Variants in LRRK1 observed in about 807,000 individuals in gnomAD.
The protein encoded by LRRK1 is leucine rich repeat kinase 1, also known as leucine-rich repeat serine/threonine-protein kinase 1.
A neutral mutation model predicts 209.1 loss-of-function variants in LRRK1; 113 were observed. That is an observed-to-expected ratio of 0.54 (90% CI 0.46 to 0.63). LRRK1 has a LOEUF of 0.63. Ranked by LOEUF, LRRK1 falls within the 30% of genes least tolerant of loss-of-function variation. The pLI is 0.00. For synonymous variants in LRRK1, 1,144 were observed against 1,099.7 expected (o/e 1.04, Z -0.80); for missense variants, 2,284 against 2,632.2 (o/e 0.87, Z 2.89).
chr15:101,005,910 A>T (rs1340262425), intron 6 of LRRK1, among the ~76,000 whole-genome samples: 1 of 152,250 alleles, frequency 6.6e-6, no homozygotes, highest in Non-Finnish European at 1.5e-5. Context: ...AAAGAAAGGT[A>T]GCTTTAGCAA....
chr15:101,022,325 C>A lies in LRRK1; in HGVS notation c.1853-58C>A. 5 of 1,513,950 alleles carry A rather than the reference C, an allele frequency of 3.3e-6. No individual in the cohort carries two copies. The highest frequency in any genetic ancestry group is 4.6e-6 in the Non-Finnish European group (5 of 1,091,974). 93.8% of individuals were successfully genotyped at this position (1,513,950 alleles called of 1,614,324 possible). A position where few individuals can be genotyped will look rare whatever the true frequency, so the allele number is the denominator to read the frequency against. On this transcript the variant is annotated intron_variant, in intron 14 of 33. Transcript: ENST00000388948. The surrounding 1 kb of genome is among the most constrained non-coding windows in gnomAD (Gnocchi z 4.0). The stretch of plus-strand genomic sequence containing the variant: ...TTCCTTCACAACAGGATTTTGTGTC[C>A]TAAGAGATGTGAGCATGTGCCCACG...
At chr15:100,990,292 C>G (rs7162483) in intron 6 of LRRK1, among the ~76,000 whole-genome samples, 8,073 of 152,168 alleles carry the variant, frequency 0.053, 506 homozygotes, top group African/African-American at 0.15. Context: ...GCCAGTGTCA[C>G]TTAGTTGACA....
Position 101,016,984 on chromosome 15 carries a change from T to G in LRRK1, c.1609+1582T>G, listed in dbSNP as rs1265312870. ...AACAAGCTCTTTTTGTTCCATTATC[T>G]TCTGTGAGACACAGGGGAAGGTATG... On this transcript the variant is annotated intron_variant, in intron 12 of 33. Transcript: ENST00000388948. Among the ~76,000 whole-genome samples the G allele has an allele frequency of 2.0e-5, 3 of 152,216 alleles. No individual in the cohort carries two copies. In the East Asian group the frequency reaches 5.8e-4, roughly 29 times the overall value.
intron 20 of LRRK1, among the ~76,000 whole-genome samples, chr15:101,045,483 T>C (rs1039727029): frequency 6.6e-6 from 1 of 152,250 alleles, no homozygotes; most frequent in Admixed American, 6.5e-5. Context: ...ATTCTAACTT[T>C]TAAGGCAATC....
At position 101,057,924 on chromosome 15, in the gene LRRK1, G is replaced by A. The variant is rs569099384; in HGVS notation, c.4528-66G>A. 1.5e-4 allele frequency: 233 copies of A among 1,560,874 alleles called. 2 individuals carry two copies. The African/African-American group carries it at 2.5e-3, about 17-fold the overall frequency. Reference sequence around the variant, plus strand: ...CCTGGTTGGGGCTGGCTGATCTCATGGGCAGAACGGGCACCAATCCGGTTG... The same window carrying A: ...CCTGGTTGGGGCTGGCTGATCTCATAGGCAGAACGGGCACCAATCCGGTTG... On this transcript the variant is annotated intron_variant, in intron 28 of 33. Coordinates refer to ENST00000388948, the MANE Select transcript of LRRK1 (RefSeq NM_024652.6).
intron 6 of LRRK1, 68 bp from the exon 7 acceptor site, chr15:101,008,769 T>C: frequency 8.1e-7 from 1 of 1,239,358 alleles, no homozygotes; most frequent in Non-Finnish European, 1.2e-6. Flanking sequence ...AACCCTTGCT[T>C]TATTCCAAGC....
At chr15:100,924,367 C>G (rs1378360826) in intron 1 of LRRK1, 144 bp from the exon 2 acceptor site, 9 of 461,138 alleles carry the variant, frequency 2.0e-5, no homozygotes, top group Non-Finnish European at 3.6e-5. Flanking sequence ...TTCCCACTGA[C>G]CACACCTGAT....
At chr15:101,063,985 C>A (rs770002033) in intron 31 of LRRK1, among the ~76,000 whole-genome samples, 22 of 152,244 alleles carry the variant, frequency 1.4e-4, no homozygotes, top group Non-Finnish European at 2.4e-4. Flanking sequence ...ACCTCCTGCA[C>A]GACCAGAGGG....
At chr15:100,977,387 G>A (rs1036637395) in intron 3 of LRRK1, among the ~76,000 whole-genome samples, 2 of 152,104 alleles carry the variant, frequency 1.3e-5, no homozygotes, top group African/African-American at 4.8e-5. Flanking sequence ...TTGCCAGGCT[G>A]TAACAGGCAC....
intron 3 of LRRK1, among the ~76,000 whole-genome samples, chr15:100,977,629 G>A (rs1202069822): frequency 6.6e-6 from 1 of 152,194 alleles, no homozygotes; most frequent in Non-Finnish European, 1.5e-5. Flanking sequence ...CCCAGCAATA[G>A]CAAGGAGCCC....
chr15:100,989,043 G>T (rs2032022574), intron 5 of LRRK1, among the ~76,000 whole-genome samples: 1 of 152,204 alleles, frequency 6.6e-6, no homozygotes, highest in South Asian at 2.1e-4. Context: ...GTGGCTAATG[G>T]GACTGTTGTA....
intron 31 of LRRK1, 98 bp from the exon 32 acceptor site, chr15:101,065,254 G>A (rs1373905624): frequency 4.2e-5 from 60 of 1,445,008 alleles, no homozygotes; most frequent in Middle Eastern, 1.9e-4. Flanking sequence ...GTGACTGCCC[G>A]CCTGGTGTGG....
intron 1 of LRRK1, among the ~76,000 whole-genome samples, chr15:100,923,653 TG>T (rs2042058299): frequency 6.6e-6 from 1 of 152,152 alleles, no homozygotes; most frequent in African/African-American, 2.4e-5. Flanking sequence ...CTAAGCTCAG[TG>T]GGGGCCCAGC....
rs760461091 is a variant in LRRK1, at chr15:101,066,114, C to T, written c.5677C>T (p.His1893Tyr). 1.2e-6 allele frequency: 2 copies of T among 1,614,124 alleles called. No individual in the cohort carries two copies. The highest frequency in any genetic ancestry group is 1.7e-5 in the Admixed American group (1 of 60,032). The part of the protein sequence containing the change: ...TPGAASDRSE[H>Y]DLTPMDGETF... ...CGGTGCTGCCTCCGACAGGTCTGAG[C>T]ATGACCTGACCCCCATGGACGGGGA... The change falls in exon 32 of 34, where the codon CAT becomes TAT. Residue 1893 changes from histidine to tyrosine, a missense_variant. By Grantham distance (83) the His-to-Tyr change is moderately conservative (BLOSUM62 2). This residue lies in a region of LRRK1 where 643 missense variants were observed against 695.9 expected (regional missense o/e 0.92). Coordinates refer to ENST00000388948, the MANE Select transcript of LRRK1 (RefSeq NM_024652.6).
intron 2 of LRRK1, 139 bp from the exon 3 acceptor site, chr15:100,973,665 G>C: frequency 1.1e-6 from 1 of 887,496 alleles, no homozygotes; most frequent in African/African-American, 1.7e-5. Flanking sequence ...GGAGCGTCGC[G>C]GGGCCACCCC....
intron 2 of LRRK1, among the ~76,000 whole-genome samples, chr15:100,944,764 C>T (rs918179959): frequency 6.6e-6 from 1 of 152,192 alleles, no homozygotes; most frequent in Non-Finnish European, 1.5e-5. Context: ...AACATGACCT[C>T]ATATTTGTTC....
At chr15:100,987,085 T>A (rs983022824) in intron 4 of LRRK1, among the ~76,000 whole-genome samples, 1 of 152,238 alleles carries the variant, frequency 6.6e-6, no homozygotes, top group Non-Finnish European at 1.5e-5. Flanking sequence ...ACTTATTTTC[T>A]GTTAACATAC....
At position 101,074,626 on chromosome 15, in the gene LRRK1, C is replaced by G. The variant is rs967761508; in HGVS notation, c.*5778C>G. The G allele has an allele frequency of 2.8e-4, 42 of 152,150 alleles. No homozygotes were observed. The highest frequency in any genetic ancestry group is 9.4e-4 in the African/African-American group (39 of 41,400). 9.4% of individuals were successfully genotyped at this position (152,150 alleles called of 1,614,324 possible). A position where few individuals can be genotyped will look rare whatever the true frequency, so the allele number is the denominator to read the frequency against. ...ACTCCAAAAATTAAATTCCGGCCCT[C>G]AAACCCCACAACAGGATTTAATTAA... On this transcript the variant is annotated 3_prime_UTR_variant, in exon 34 of 34. Transcript: ENST00000388948.
At chr15:100,933,638 G>A (rs1027186762) in intron 2 of LRRK1, among the ~76,000 whole-genome samples, 7 of 151,480 alleles carry the variant, frequency 4.6e-5, no homozygotes, top group Non-Finnish European at 8.8e-5. Context: ...CCTGGCCAAC[G>A]TGGCGAAACC....
Sources: gnomAD v4.1 joint callset for allele counts (sites outside exome capture counted in the v4.1 genomes callset) on GRCh38, gnomAD v4.1.1 for gene constraint, gnomAD v4.1.1 regional missense constraint, Gnocchi (gnomAD v3.1) non-coding constraint, MANE v1.5 for transcripts, NCBI Gene and HGNC (gene_info 2026-07-23, HGNC 2026-07-21) for gene names.